FGD2: variants seen among roughly 807,000 people sequenced by gnomAD.
FGD2 encodes FYVE, RhoGEF and PH domain-containing protein 2.
In FGD2, 52 loss-of-function variants were observed where a neutral mutation model predicts 75.9. That is an observed-to-expected ratio of 0.69 (90% confidence interval 0.55 to 0.86). FGD2 has a LOEUF of 0.86. Ranked by LOEUF, FGD2 falls within the 40% of genes least tolerant of loss-of-function variation. The probability of loss-of-function intolerance (pLI) is 0.00; values close to 1 mark genes in which losing one functional copy is unlikely to be tolerated. For missense variants in FGD2, 790 were observed against 872.0 expected (o/e 0.91, Z 1.18); for synonymous variants, 347 against 348.6 (o/e 1.00, Z 0.05).
intron 12 of FGD2, 146 bp from the exon 13 acceptor site, chr6:37,022,093 C>A: frequency 1.8e-6 from 2 of 1,104,360 alleles, no homozygotes; most frequent in South Asian, 1.7e-5. Flanking sequence ...TCGATCAGGT[C>A]AGTCAGCTTG....
intron 13 of FGD2, chr6:37,024,494 T>C (rs1765725516): frequency 6.6e-6 from 1 of 152,070 alleles, no homozygotes; most frequent in Non-Finnish European, 1.5e-5. Flanking sequence ...CCTCAAATGG[T>C]TCAGAAAAAA....
intron 4 of FGD2, chr6:37,013,356 T>C: frequency 1.0e-6 from 1 of 984,640 alleles, no homozygotes; most frequent in Non-Finnish European, 1.4e-6. Flanking sequence ...GAACACCTGC[T>C]GTGGGCCCAA....
Position 37,027,798 on chromosome 6 carries a change from C to T in FGD2, c.1753-150C>T, listed in dbSNP as rs571526680. The T allele has an allele frequency of 4.8e-4, 499 of 1,042,208 alleles. 2 individuals are homozygous for T. In the Middle Eastern group the frequency reaches 5.3e-3, roughly 11 times the overall value. The allele number at this position is 1,042,208 out of a possible 1,614,324, so 64.6% of individuals were successfully genotyped here. A position where few individuals can be genotyped will look rare whatever the true frequency, so the allele number is the denominator to read the frequency against. ...CCTCAGAGGCAGCCAGTTCTTCTGT[C>T]CTCTTCCTCGATGGCCTTCACCAGC... On this transcript the variant is annotated intron_variant, in intron 15 of 15. Transcript: ENST00000274963.
chr6:37,022,601 T>TTCCACTGGATCCACCTAGGCC, intron 13 of FGD2: 1 of 479,530 alleles, frequency 2.1e-6, no homozygotes, highest in Non-Finnish European at 3.4e-6. Flanking sequence ...CCACCTAGGC[T>TTCCACTGGATCCACCTAGGCC]TCCACTTGAT....
In FGD2 at chr6:37,017,483, G is replaced by A. The variant is rs191921694; in HGVS notation, c.1122+1623G>A. On this transcript the variant is annotated intron_variant, in intron 9 of 15. Transcript: ENST00000274963. Reference sequence around the variant, plus strand: ...GTGTAACAAAGGCTGGCGCTTCTGCGTCTAACCACCACGCTCTGCTGTCGC... The same window carrying A: ...GTGTAACAAAGGCTGGCGCTTCTGCATCTAACCACCACGCTCTGCTGTCGC... 3.8e-4 allele frequency among the ~76,000 whole-genome samples: 58 copies of A among 152,346 alleles called. 1 individual carries two copies. Among genetic ancestry groups the A allele is most frequent in the African/African-American group, 1.2e-3 (48 of 41,576 alleles).
At chr6:37,014,453 A>C in intron 6 of FGD2, 193 bp from the exon 7 acceptor site, 1 of 659,556 alleles carries the variant, frequency 1.5e-6, no homozygotes, top group South Asian at 1.9e-5. Flanking sequence ...GCTAACGTTC[A>C]GTGGCTTCCA....
At chr6:37,013,848 T>G in intron 5 of FGD2, 83 bp downstream of exon 5, 2 of 1,588,592 alleles carry the variant, frequency 1.3e-6, no homozygotes, top group Non-Finnish European at 1.7e-6. Flanking sequence ...TCCGGGCATC[T>G]CCCAGGCTCA....
At chr6:37,021,431 G>A in intron 11 of FGD2, 81 bp from the exon 12 acceptor site, 3 of 1,272,732 alleles carry the variant, frequency 2.4e-6, no homozygotes, top group Non-Finnish European at 3.3e-6. Context: ...CCTGTCTGTT[G>A]CATGCACGGA....
At chr6:37,017,325 T>C (rs1385731174) in intron 9 of FGD2, among the ~76,000 whole-genome samples, 1 of 152,196 alleles carries the variant, frequency 6.6e-6, no homozygotes, top group Non-Finnish European at 1.5e-5. Flanking sequence ...TGTGTGTGAA[T>C]GTATCTGCAG....
In FGD2 at chr6:37,021,549, A is replaced by G; in HGVS notation, c.1271A>G (p.Asn424Ser). 6.2e-7 allele frequency: 1 copy of G among 1,614,030 alleles called. No individual in the cohort carries two copies. The highest frequency in any genetic ancestry group is 2.2e-5 in the East Asian group (1 of 44,888). The change falls in exon 12 of 16, where the codon AAT becomes AGT. Residue 424 changes from asparagine (N) to serine (S), a missense_variant. Coordinates refer to ENST00000274963, the MANE Select transcript of FGD2 (RefSeq NM_173558.4). Reference protein sequence around the residue: ...QAAIDQIEKRNETFKAAAQGP... With the variant: ...QAAIDQIEKRSETFKAAAQGP... ...GCCATTGACCAAATCGAGAAGCGGA[A>G]TGAAACCTTCAAGGCTGCGGCCCAG...
chr6:37,012,378 T>C (rs1402888600), intron 4 of FGD2, among the ~76,000 whole-genome samples: 1 of 152,182 alleles, frequency 6.6e-6, no homozygotes, highest in Non-Finnish European at 1.5e-5. Context: ...AGTGATGTAT[T>C]GATTGCTTAA....
intron 1 of FGD2, 91 bp from the exon 2 acceptor site, chr6:37,008,743 G>A (rs377063018): frequency 3.8e-6 from 5 of 1,321,402 alleles, no homozygotes; most frequent in Non-Finnish European, 4.1e-6. Flanking sequence ...CTGGGGATTT[G>A]CACCAGGCAA....
chr6:37,020,466 C>G, intron 9 of FGD2, 75 bp from the exon 10 acceptor site: 1 of 1,384,990 alleles, frequency 7.2e-7, no homozygotes, highest in Non-Finnish European at 1.0e-6. Context: ...AATCCACCTC[C>G]CTCCCCTCCA....
At chr6:37,019,472 A>G (rs1484442939) in intron 9 of FGD2, among the ~76,000 whole-genome samples, 1 of 152,232 alleles carries the variant, frequency 6.6e-6, no homozygotes, top group Non-Finnish European at 1.5e-5. Context: ...GGAAGTGTGC[A>G]AAGGCCTGGC....
chr6:37,019,470 G>T (rs1765459312), intron 9 of FGD2, among the ~76,000 whole-genome samples: 1 of 152,206 alleles, frequency 6.6e-6, no homozygotes, highest in Non-Finnish European at 1.5e-5. Context: ...CTGGAAGTGT[G>T]CAAAGGCCTG....
rs1765132249 is a variant in FGD2 at position 37,013,671 on chromosome 6, G to T, written c.590G>T (p.Ser197Ile). 1 of 1,613,992 alleles carries T rather than the reference G, an allele frequency of 6.2e-7. No homozygotes were observed. The highest frequency in any genetic ancestry group is 8.5e-7 in the Non-Finnish European group (1 of 1,179,982). Residue 197 changes from serine (S) to isoleucine (I), a missense_variant, in exon 5 of 16, where the codon AGT (serine) becomes ATT (isoleucine). By Grantham distance (142) the Ser-to-Ile change is moderately radical. Coordinates refer to ENST00000274963, the MANE Select transcript of FGD2 (RefSeq NM_173558.4). ...QKLAPFLKMY[S>I]EYVKNFERAA... ...CTGGCCCCCTTCCTGAAGATGTACA[G>T]TGAGTATGTCAAGAACTTTGAGCGA... is the stretch of plus-strand genomic sequence containing the variant.
chr6:37,025,987 T>C (rs771220953), intron 14 of FGD2, 49 bp downstream of exon 14: 2 of 1,603,296 alleles, frequency 1.2e-6, no homozygotes, highest in Non-Finnish European at 1.7e-6. Flanking sequence ...GTTCAGGGAA[T>C]GTGTGCCCGG....
intron 1 of FGD2, among the ~76,000 whole-genome samples, chr6:37,007,931 C>T (rs1370127973): frequency 1.3e-5 from 2 of 152,108 alleles, no homozygotes; most frequent in Admixed American, 6.5e-5. Flanking sequence ...TTTGACTCCG[C>T]GGACCTGTTT....
rs1765945843 is a variant in FGD2, at chr6:37,028,615, C to CTTTTTGTTTTTTTTTTTTTTTTTTTTTTT, written c.*457_*458insGTTTTTTTTTTTTTTTTTTTTTTTTTTTT. ...GGCTGAGTTGGGGGAGGCATGGGGTCTTTTTTTTTTTTTTTTTGAGACAGA... is the reference window on the plus strand; with the variant it reads ...GGCTGAGTTGGGGGAGGCATGGGGTCTTTTTGTTTTTTTTTTTTTTTTTTTTTTTTTTTTTTTTTTTTTTTTGAGACAGA... On this transcript the variant is annotated 3_prime_UTR_variant, in exon 16 of 16. Coordinates refer to ENST00000274963, the MANE Select transcript of FGD2 (RefSeq NM_173558.4). 1.3e-5 allele frequency: 1 copy of CTTTTTGTTTTTTTTTTTTTTTTTTTTTTT among 79,024 alleles called. No individual in the cohort carries two copies. Among genetic ancestry groups the CTTTTTGTTTTTTTTTTTTTTTTTTTTTTT allele is most frequent in the Admixed American group, 1.7e-4 (1 of 5,754 alleles). 4.9% of individuals were successfully genotyped at this position (79,024 alleles called of 1,614,324 possible).
Sources: gnomAD v4.1 joint callset for allele counts (sites outside exome capture counted in the v4.1 genomes callset) on GRCh38, gnomAD v4.1.1 for gene constraint, MANE v1.5 for transcripts, NCBI Gene and HGNC (gene_info 2026-07-23, HGNC 2026-07-21) for gene names.